LPIN1: variants seen among roughly 807,000 people sequenced by gnomAD.
LPIN1 encodes the protein lipin 1.
LPIN1 carries 71 observed loss-of-function variants against 107.5 expected under a neutral mutation model. The ratio of observed to expected loss-of-function variants is 0.66; its 90% CI spans 0.55 to 0.80. LPIN1 has a LOEUF of 0.80. Ranked by LOEUF, LPIN1 falls within the 30% of genes least tolerant of loss-of-function variation. The pLI, the probability that LPIN1 is intolerant of heterozygous loss-of-function variation, is 0.00. For missense variants in LPIN1, 1,043 were observed against 1,160.6 expected (o/e 0.90, Z 1.47); for synonymous variants, 445 against 452.6 (o/e 0.98, Z 0.21).
chr2:11,686,873 T>A (rs1662031661), intron 1 of LPIN1, among the ~76,000 whole-genome samples: 1 of 151,912 alleles, frequency 6.6e-6, no homozygotes, highest in African/African-American at 2.4e-5. Flanking sequence ...CCCCAGCTGC[T>A]GGGGGCAGAG....
chr2:11,728,969 A>G (rs1664931985), intron 1 of LPIN1, among the ~76,000 whole-genome samples: 1 of 152,200 alleles, frequency 6.6e-6, no homozygotes, highest in East Asian at 1.9e-4. Context: ...CTCTGATGCC[A>G]GTTTCTTTTG....
chr2:11,778,692 T>C (rs1366608851), intron 6 of LPIN1, among the ~76,000 whole-genome samples: 1 of 152,252 alleles, frequency 6.6e-6, no homozygotes, highest in African/African-American at 2.4e-5. Context: ...TAATTAACCA[T>C]GTTATTATGC....
In LPIN1 at chr2:11,782,306, A is replaced by G; in HGVS notation, c.1063A>G (p.Ser355Gly). Residue 355 changes from serine (S) to glycine (G), a missense_variant, in exon 8 of 21, where the codon AGT becomes GGT. Physicochemically the swap from Ser to Gly is moderately conservative, Grantham distance 56. Transcript: ENST00000674199. The stretch of plus-strand genomic sequence containing the variant: ...TCACAGCGAATCTTCAGACACTTTT[A>G]GTGACCAATCGCCAACTCTGGTCGG... ...AIHSESSDTFSDQSPTLVGGA... is the reference protein window; with the variant it reads ...AIHSESSDTFGDQSPTLVGGA... 1 of 1,614,228 alleles carries G rather than the reference A, an allele frequency of 6.2e-7. No individual in the cohort carries two copies. Among genetic ancestry groups the G allele is most frequent in the Non-Finnish European group, 8.5e-7 (1 of 1,180,030 alleles).
chr2:11,804,639 T>G, intron 16 of LPIN1, 68 bp downstream of exon 16: 1 of 1,528,572 alleles, frequency 6.5e-7, no homozygotes, highest in Non-Finnish European at 9.1e-7. Flanking sequence ...CTGGGCCTGG[T>G]GTTGGCACCT....
At position 11,765,463 on chromosome 2, in the gene LPIN1, GT is replaced by G; in HGVS notation, c.-9-68del. 1 of 1,441,538 alleles carries G rather than the reference GT, an allele frequency of 6.9e-7. No homozygotes were observed. Among genetic ancestry groups the G allele is most frequent in the Non-Finnish European group, 9.6e-7 (1 of 1,045,262 alleles). 89.3% of individuals were successfully genotyped at this position (1,441,538 alleles called of 1,614,324 possible). A position where few individuals can be genotyped will look rare whatever the true frequency, so the allele number is the denominator to read the frequency against. The stretch of plus-strand genomic sequence containing the variant: ...ATCCACGTTTTTGAAATGGTGAGGA[GT>G]TCATTTTGATTGGCTCTTCCTTGGA... On this transcript the variant is annotated intron_variant, in intron 1 of 20. Transcript: ENST00000674199. The surrounding 1 kb of genome is among the most constrained non-coding windows in gnomAD (Gnocchi z 4.4).
At chr2:11,704,135 T>C (rs1051991530) in intron 1 of LPIN1, among the ~76,000 whole-genome samples, 4 of 152,252 alleles carry the variant, frequency 2.6e-5, no homozygotes, top group African/African-American at 9.6e-5. Flanking sequence ...AGGCTTCTTA[T>C]GACCTAGCCT....
At chr2:11,782,108 T>C in intron 7 of LPIN1, 93 bp from the exon 8 acceptor site, 1 of 970,594 alleles carries the variant, frequency 1.0e-6, no homozygotes, top group South Asian at 1.3e-5. Flanking sequence ...TGCCTACTTT[T>C]GATTACTTGT....
chr2:11,714,363 GC>G (rs1663595044), intron 2 of LPIN1, among the ~76,000 whole-genome samples: 2 of 152,082 alleles, frequency 1.3e-5, no homozygotes, highest in Non-Finnish European at 2.9e-5. Flanking sequence ...CTCTCTGTCT[GC>G]CCCCGAGGCT....
intron 7 of LPIN1, among the ~76,000 whole-genome samples, 185 bp downstream of exon 7, chr2:11,779,830 G>A (rs1325086042): frequency 6.6e-6 from 1 of 151,926 alleles, no homozygotes; most frequent in Admixed American, 6.6e-5. Context: ...TTATAGAGAG[G>A]TCTCATTGCT....
rs956537647 is a variant in LPIN1, at chr2:11,728,256, G to A, written c.-72+3717G>A. 2.0e-5 allele frequency among the ~76,000 whole-genome samples: 3 copies of A among 152,236 alleles called. No individual in the cohort carries two copies. In the South Asian group the frequency reaches 6.2e-4, roughly 32 times the overall value. On this transcript the variant is annotated intron_variant, in intron 1 of 21. Coordinates refer to the LPIN1 transcript ENST00000396097. ...AGTTCCGTGCTAATATTTAAGGTAGGTTTCCTGTAGACATTATACAGCTGG... is the reference window on the plus strand; with the variant it reads ...AGTTCCGTGCTAATATTTAAGGTAGATTTCCTGTAGACATTATACAGCTGG...
At chr2:11,751,094 A>G (rs1667720820) in intron 1 of LPIN1, among the ~76,000 whole-genome samples, 1 of 152,198 alleles carries the variant, frequency 6.6e-6, no homozygotes, top group Non-Finnish European at 1.5e-5. Flanking sequence ...CCATATTTAG[A>G]TGTCTACACC....
Position 11,733,649 on chromosome 2 carries a change from G to A in LPIN1, c.-71-7700G>A, listed in dbSNP as rs774324362. Among the ~76,000 whole-genome samples, 15 of 152,042 alleles carry A rather than the reference G, an allele frequency of 9.9e-5. No homozygotes were observed. In the South Asian group the frequency reaches 1.0e-3, roughly 11 times the overall value. On this transcript the variant is annotated intron_variant, in intron 1 of 21. Transcript: ENST00000396097. Reference sequence around the variant, plus strand: ...TGGGATTACAGGTGTGCACAACGACGCCTGGATAATTTTTGTATTTTTAGT... The same window carrying A: ...TGGGATTACAGGTGTGCACAACGACACCTGGATAATTTTTGTATTTTTAGT...
At position 11,824,954 on chromosome 2, in the gene LPIN1, G is replaced by A; in HGVS notation, c.*163G>A. 2 of 775,500 alleles carry A rather than the reference G, an allele frequency of 2.6e-6. No individual in the cohort carries two copies. The highest frequency in any genetic ancestry group is 1.7e-5 in the South Asian group (1 of 58,018). The allele number at this position is 775,500 out of a possible 1,614,324, so 48.0% of individuals were successfully genotyped here. A position where few individuals can be genotyped will look rare whatever the true frequency, so the allele number is the denominator to read the frequency against. On this transcript the variant is annotated 3_prime_UTR_variant, in exon 21 of 21. Coordinates refer to ENST00000674199, the MANE Select transcript of LPIN1 (RefSeq NM_001349206.2). ...CATTTCTCCCCTGCCCCACCCCGGG[G>A]CTGACATTTCTAAGCAAGATAGGAA...
At chr2:11,680,440 G>T (rs905910594) in intron 1 of LPIN1, among the ~76,000 whole-genome samples, 3 of 152,082 alleles carry the variant, frequency 2.0e-5, no homozygotes, top group Admixed American at 6.5e-5. Context: ...ATCTGGGGGC[G>T]GTGCGTGAAA....
At chr2:11,704,963 G>A (rs1368862093) in intron 1 of LPIN1, among the ~76,000 whole-genome samples, 1 of 152,238 alleles carries the variant, frequency 6.6e-6, no homozygotes, top group African/African-American at 2.4e-5. Flanking sequence ...ACATAACCAG[G>A]AACAGAGGAG....
Position 11,795,533 on chromosome 2 carries a change from C to A in LPIN1, c.1886+46C>A, listed in dbSNP as rs1293611239. 5 of 1,533,618 alleles carry A rather than the reference C, an allele frequency of 3.3e-6. No individual in the cohort carries two copies. In the Admixed American group the frequency reaches 8.4e-5, roughly 26 times the overall value. ...GGATGTTTGCAGCCCCTTTCCGCAT[C>A]CAAGTTCATGGCGTGTGCTGCCTGG... On this transcript the variant is annotated intron_variant, in intron 14 of 20. Coordinates refer to ENST00000674199, the MANE Select transcript of LPIN1 (RefSeq NM_001349206.2).
At chr2:11,738,963 A>T (rs1446912828) in intron 1 of LPIN1, among the ~76,000 whole-genome samples, 2 of 152,208 alleles carry the variant, frequency 1.3e-5, no homozygotes, top group African/African-American at 4.8e-5. Context: ...TTAGAAATAG[A>T]TCCCTAAATT....
chr2:11,677,731 A>G, intron 1 of LPIN1: 2 of 1,535,402 alleles, frequency 1.3e-6, no homozygotes, highest in Non-Finnish European at 1.7e-6. Context: ...GGTCATGGGT[A>G]AGGGCCGGCC....
intron 13 of LPIN1, among the ~76,000 whole-genome samples, chr2:11,793,130 A>T (rs1346244691): frequency 6.6e-6 from 1 of 152,222 alleles, no homozygotes; most frequent in African/African-American, 2.4e-5. Flanking sequence ...CGCTTCCAGA[A>T]TTGAACTCAT....
Sources: allele counts gnomAD v4.1 joint callset (sites outside exome capture counted in the v4.1 genomes callset), GRCh38; gene constraint gnomAD v4.1.1; non-coding constraint Gnocchi (gnomAD v3.1); transcripts MANE v1.5; gene names NCBI Gene and HGNC (gene_info 2026-07-23, HGNC 2026-07-21).